The following C14orf93 variants were observed in gnomAD, a reference collection of about 807,000 sequenced individuals.
The protein encoded by C14orf93 is uncharacterized protein C14orf93.
C14orf93 carries 23 observed loss-of-function variants against 44.0 expected under a neutral mutation model. The ratio of observed to expected loss-of-function variants is 0.52; its 90% confidence interval spans 0.38 to 0.74. The LOEUF (loss-of-function observed/expected upper bound fraction) is 0.74, where lower values mean the gene tolerates loss of function less well. C14orf93 is among the 30% of genes least tolerant of loss of function. C14orf93 has a pLI of 0.00. For synonymous variants in C14orf93, 253 were observed against 265.7 expected (o/e 0.95, Z 0.46); for missense variants, 579 against 678.9 (o/e 0.85, Z 1.64).
chr14:23,004,142 T>C (rs2046505928), intron 1 of C14orf93, among the ~76,000 whole-genome samples: 1 of 150,552 alleles, frequency 6.6e-6, no homozygotes, highest in African/African-American at 2.4e-5. Context: ...ACTCCTGACC[T>C]TGTGATCCGC....
Position 22,987,096 on chromosome 14 carries a change from G to T in C14orf93, c.*119C>A. The T allele has an allele frequency of 9.0e-7, 1 of 1,111,754 alleles. No homozygotes were observed. Among genetic ancestry groups the T allele is most frequent in the East Asian group, 2.6e-5 (1 of 38,676 alleles). The allele number at this position is 1,111,754 out of a possible 1,614,324, so 68.9% of individuals were successfully genotyped here. On this transcript the variant is annotated 3_prime_UTR_variant, in exon 7 of 7. Transcript: ENST00000299088. The surrounding 1 kb of genome is among the most constrained non-coding windows in gnomAD (Gnocchi z 5.6). ...CCCAGTAGAGACTGTGTTAAGAAAA[G>T]AGGCAAATTTGCTTTCTCAGACTGC...
At position 22,987,392 on chromosome 14, in the gene C14orf93, C is replaced by A. The variant is rs769391932; in HGVS notation, c.1440G>T (p.Leu480=). ...NRVYGPPSDR[L]PSAEAQLLPP... ...GAAGGAGCTGGGCTTCAGCAGAAGGCAGTCTGTCTGAGGGAGGCCCATACA... is the reference window on the plus strand; with the variant it reads ...GAAGGAGCTGGGCTTCAGCAGAAGGAAGTCTGTCTGAGGGAGGCCCATACA... The change falls in exon 7 of 7, where the codon CTG becomes CTT. Residue 480 remains leucine (L), a synonymous_variant. Coordinates refer to ENST00000299088, the MANE Select transcript of C14orf93 (RefSeq NM_021944.4). This position sits in a 1 kb window ranked among gnomAD's most constrained non-coding sequence, Gnocchi z 5.6. 6.2e-7 allele frequency: 1 copy of A among 1,614,250 alleles called. No homozygotes were observed. Among genetic ancestry groups the A allele is most frequent in the South Asian group, 1.1e-5 (1 of 91,092 alleles).
intron 3 of C14orf93, among the ~76,000 whole-genome samples, chr14:22,990,565 G>C (rs984752236): frequency 3.3e-5 from 5 of 151,712 alleles, no homozygotes; most frequent in Non-Finnish European, 7.4e-5. Flanking sequence ...TGCCTCCCGG[G>C]TTCAAGCGAT....
Position 22,986,964 on chromosome 14 carries a change from C to T in C14orf93, c.*251G>A, listed in dbSNP as rs1014713954. 9 of 517,856 alleles carry T rather than the reference C, an allele frequency of 1.7e-5. No homozygotes were observed. Among genetic ancestry groups the T allele is most frequent in the East Asian group, 1.0e-4 (3 of 29,642 alleles). 32.1% of individuals were successfully genotyped at this position (517,856 alleles called of 1,614,324 possible). A position where few individuals can be genotyped will look rare whatever the true frequency, so the allele number is the denominator to read the frequency against. ...CTCATTTTCTCATCCCAGGCTTCTC[C>T]GAGATACTGTTTATGCTGAGGAATA... On this transcript the variant is annotated 3_prime_UTR_variant, in exon 7 of 7. Transcript: ENST00000299088.
intron 1 of C14orf93, among the ~76,000 whole-genome samples, chr14:23,003,971 A>G (rs1400111548): frequency 2.7e-5 from 3 of 113,164 alleles, no homozygotes; most frequent in East Asian, 3.2e-4. Flanking sequence ...GTGTGGAGGC[A>G]CGATCTTGGC....
At chr14:23,007,424 G>A (rs1390508308) in intron 1 of C14orf93, among the ~76,000 whole-genome samples, 2 of 152,204 alleles carry the variant, frequency 1.3e-5, no homozygotes, top group Non-Finnish European at 2.9e-5. Flanking sequence ...AAGCACAGTG[G>A]CCACAAATCG....
intron 1 of C14orf93, among the ~76,000 whole-genome samples, chr14:23,004,549 C>T (rs2046532957): frequency 1.3e-5 from 2 of 152,100 alleles, no homozygotes; most frequent in Admixed American, 6.6e-5. Context: ...AAAGTCTCTA[C>T]CTATAAGGCA....
intron 5 of C14orf93, among the ~76,000 whole-genome samples, chr14:22,989,040 A>G (rs28701525): frequency 0.093 from 14,080 of 152,146 alleles, 2,152 homozygotes; most frequent in African/African-American, 0.32. Flanking sequence ...GAGTTCAGTG[A>G]CACGATCTTG....
intron 1 of C14orf93, among the ~76,000 whole-genome samples, chr14:23,003,432 A>G (rs945791516): frequency 6.6e-6 from 1 of 152,222 alleles, no homozygotes; most frequent in Non-Finnish European, 1.5e-5. Flanking sequence ...GTAACTACTT[A>G]AGTGCTGGAT....
chr14:23,006,979 G>C (rs1357180101), intron 1 of C14orf93: 2 of 152,342 alleles, frequency 1.3e-5, no homozygotes, highest in African/African-American at 2.4e-5. Flanking sequence ...TTGAGAACTT[G>C]GGCTGAAGGC....
rs763173219 is a variant in C14orf93, at chr14:22,996,213, G to A, written c.653C>T (p.Ala218Val). The change falls in exon 3 of 7, where the codon GCT (alanine) becomes GTT (valine). Residue 218 changes from alanine to valine, a missense_variant. Physicochemically the swap from Ala to Val is moderately conservative, Grantham distance 64. Coordinates refer to ENST00000299088, the MANE Select transcript of C14orf93 (RefSeq NM_021944.4). This position sits in a 1 kb window ranked among gnomAD's most constrained non-coding sequence, Gnocchi z 4.1. ...GGCTGGTGAGAGTTGCTTGGCATAA[G>A]CAGGGACCAGAACTCGCTGTACTGC... Reference protein sequence around the residue: ...EGAVQRVLVPAYAKQLSPATQ... With the variant: ...EGAVQRVLVPVYAKQLSPATQ... 8 of 1,608,784 alleles carry A rather than the reference G, an allele frequency of 5.0e-6. No homozygotes were observed. Among genetic ancestry groups the A allele is most frequent in the Middle Eastern group, 1.7e-4 (1 of 6,034 alleles).
chr14:23,001,941 G>A (rs2046324716), intron 1 of C14orf93, among the ~76,000 whole-genome samples: 1 of 149,736 alleles, frequency 6.7e-6, no homozygotes, highest in Admixed American at 6.7e-5. Context: ...GAGGTCAGGA[G>A]ATGGAGACCA....
chr14:23,003,655 G>T (rs2046417948), intron 1 of C14orf93, among the ~76,000 whole-genome samples: 1 of 151,238 alleles, frequency 6.6e-6, no homozygotes, highest in South Asian at 2.1e-4. Context: ...AAAAAAAGTA[G>T]CCGCGCATGC....
chr14:23,004,275 A>G (rs1387821639), intron 1 of C14orf93, among the ~76,000 whole-genome samples: 1 of 151,050 alleles, frequency 6.6e-6, no homozygotes, highest in Non-Finnish European at 1.5e-5. Context: ...CAGTGGCACG[A>G]TTTCGGCTCA....
At position 22,989,861 on chromosome 14, in the gene C14orf93, G is replaced by T. The variant is rs1408158650; in HGVS notation, c.981-16C>A. The T allele has an allele frequency of 2.5e-6, 4 of 1,604,366 alleles. No individual in the cohort carries two copies. In the African/African-American group the frequency reaches 4.0e-5, roughly 16 times the overall value. On this transcript the variant is annotated splice_polypyrimidine_tract_variant and intron_variant, in intron 4 of 6. Coordinates refer to ENST00000299088, the MANE Select transcript of C14orf93 (RefSeq NM_021944.4). ...GGACTTGATGCTGCCACAAAGAGAA[G>T]AGAATGAATAAAGTTGTCGGCTTTG...
intron 1 of C14orf93, chr14:23,006,842 T>G (rs773450727): frequency 2.1e-4 from 32 of 152,210 alleles, no homozygotes; most frequent in Non-Finnish European, 3.4e-4. Flanking sequence ...TACCATACAG[T>G]GCGCTCTGGG....
rs1280448582 is a variant in C14orf93, at chr14:23,003,878, ATATATATATATATATATATATTTTTTTTT to A, written c.-379-4505_-379-4477del. 3.1e-3 allele frequency among the ~76,000 whole-genome samples: 51 copies of A among 16,304 alleles called. 3 individuals are homozygous for A. The highest frequency in any genetic ancestry group is 8.5e-3 in the African/African-American group (48 of 5,640). The allele number at this position is 16,304 out of a possible 152,430, so 10.7% of individuals were successfully genotyped here. A position where few individuals can be genotyped will look rare whatever the true frequency, so the allele number is the denominator to read the frequency against. On this transcript the variant is annotated intron_variant, in intron 1 of 6. Transcript: ENST00000299088. ...TATTCATATATATATATATATATATATATATATATATATATATATATTTTTTTTTTTTTTTTTTTTTTTTTTTTTGAGAC... is the reference window on the plus strand; with the variant it reads ...TATTCATATATATATATATATATATATTTTTTTTTTTTTTTTTTTTGAGAC...
chr14:23,005,014 A>T (rs1431554515), intron 1 of C14orf93: 1 of 152,242 alleles, frequency 6.6e-6, no homozygotes, highest in Admixed American at 6.5e-5. Flanking sequence ...CGTTAGTTCA[A>T]AATAATGGAA....
At chr14:22,989,900 A>G in intron 4 of C14orf93, 55 bp from the exon 5 acceptor site, 1 of 1,519,552 alleles carries the variant, frequency 6.6e-7, no homozygotes, top group South Asian at 1.1e-5. Context: ...GAGCCAGACA[A>G]ACAGAGATAC....
Sources: gnomAD v4.1 joint callset for allele counts (sites outside exome capture counted in the v4.1 genomes callset) on GRCh38, gnomAD v4.1.1 for gene constraint, Gnocchi (gnomAD v3.1) non-coding constraint, MANE v1.5 for transcripts, NCBI Gene and HGNC (gene_info 2026-07-23, HGNC 2026-07-21) for gene names.